The following ARHGAP32 variants were observed in gnomAD, a reference collection of about 807,000 sequenced individuals.
ARHGAP32 encodes Rho GTPase activating protein 32.
Under a neutral mutation model 186.5 loss-of-function variants are expected in ARHGAP32, and 51 were observed. That is an observed-to-expected ratio of 0.27 (90% CI 0.22 to 0.35). The LOEUF is 0.35. Among genes scored for constraint, ARHGAP32 ranks in the 10% least tolerant of loss-of-function variants. The pLI is 1.00. For synonymous variants in ARHGAP32, 950 were observed against 964.3 expected (o/e 0.99, Z 0.27); for missense variants, 2,186 against 2,623.5 (o/e 0.83, Z 3.64).
intron 1 of ARHGAP32, among the ~76,000 whole-genome samples, chr11:129,253,237 G>A (rs1456548447): frequency 6.6e-6 from 1 of 152,156 alleles, no homozygotes; most frequent in Non-Finnish European, 1.5e-5. Context: ...GGCACTTAGT[G>A]ATATTTAAGT....
intron 12 of ARHGAP32, among the ~76,000 whole-genome samples, chr11:128,997,429 T>A (rs1946230206): frequency 6.6e-6 from 1 of 152,216 alleles, no homozygotes; most frequent in Non-Finnish European, 1.5e-5. Context: ...TATTATTACT[T>A]TACCATTGTT....
intron 5 of ARHGAP32, among the ~76,000 whole-genome samples, chr11:129,105,344 C>G (rs189202227): frequency 1.3e-5 from 2 of 152,146 alleles, no homozygotes; most frequent in African/African-American, 4.8e-5. Context: ...TAGGTTTTCA[C>G]CTCCAGCTGA....
intron 10 of ARHGAP32, among the ~76,000 whole-genome samples, chr11:129,057,629 T>A (rs899717416): frequency 1.3e-5 from 2 of 150,664 alleles, no homozygotes; most frequent in African/African-American, 4.9e-5. Flanking sequence ...TCCCACGTCA[T>A]ATTCCAAAAG....
chr11:129,042,828 G>C (rs975278079), intron 10 of ARHGAP32, among the ~76,000 whole-genome samples: 1 of 152,202 alleles, frequency 6.6e-6, no homozygotes, highest in Non-Finnish European at 1.5e-5. Flanking sequence ...TGGAGACCTT[G>C]ATGCTATGAG....
At chr11:129,166,978 T>C (rs1183590438) in intron 1 of ARHGAP32, among the ~76,000 whole-genome samples, 2 of 152,134 alleles carry the variant, frequency 1.3e-5, no homozygotes, top group Non-Finnish European at 2.9e-5. Flanking sequence ...TTTTATGGAA[T>C]ACTGTATGTA....
At chr11:129,146,783 G>A (rs1417911585) in intron 2 of ARHGAP32, among the ~76,000 whole-genome samples, 1 of 151,802 alleles carries the variant, frequency 6.6e-6, no homozygotes, top group Non-Finnish European at 1.5e-5. Flanking sequence ...TTTTAGATAT[G>A]TTTATTAAAA....
upstream of ARHGAP32, among the ~76,000 whole-genome samples, chr11:129,193,549 A>T (rs370041266): frequency 0.39 from 19,256 of 49,858 alleles, 3,733 homozygotes; most frequent in Admixed American, 0.46. Context: ...TATTATATAT[A>T]ATATATATAT....
chr11:129,133,311 C>T (rs981555986), intron 2 of ARHGAP32, among the ~76,000 whole-genome samples: 2 of 151,966 alleles, frequency 1.3e-5, no homozygotes, highest in East Asian at 1.9e-4. Context: ...CTCATGTCTT[C>T]GAAGTCTCTG....
At position 129,149,067 on chromosome 11, in the gene ARHGAP32, C is replaced by T. The variant is rs78824866; in HGVS notation, c.225+15252G>A. On this transcript the variant is annotated intron_variant, in intron 2 of 22. Coordinates refer to ENST00000682385, the MANE Select transcript of ARHGAP32 (RefSeq NM_001378024.1). ...CTCTTGGGGGCTTTATGGCCCCATCCATCACCTGACAAACTAAAATCCTTA... is the reference window on the plus strand; with the variant it reads ...CTCTTGGGGGCTTTATGGCCCCATCTATCACCTGACAAACTAAAATCCTTA... 4.7e-3 allele frequency among the ~76,000 whole-genome samples: 710 copies of T among 152,260 alleles called. 3 individuals are homozygous for T. The highest frequency in any genetic ancestry group is 6.6e-3 in the Non-Finnish European group (451 of 68,014).
At chr11:129,050,961 G>A (rs1457748875) in intron 10 of ARHGAP32, among the ~76,000 whole-genome samples, 1 of 152,134 alleles carries the variant, frequency 6.6e-6, no homozygotes, top group Non-Finnish European at 1.5e-5. Flanking sequence ...TCCCTGCAAA[G>A]GACATGAACC....
At chr11:129,203,032 A>G (rs532625675) in intron 1 of ARHGAP32, 1 of 152,376 alleles carries the variant, frequency 6.6e-6, no homozygotes, top group East Asian at 1.9e-4. Context: ...CCCCTGCGCA[A>G]GGATGAAATT....
intron 2 of ARHGAP32, 120 bp downstream of exon 2, chr11:129,164,199 T>G: frequency 1.6e-6 from 1 of 610,898 alleles, no homozygotes; most frequent in Non-Finnish European, 2.8e-6. Context: ...AAATATTTCC[T>G]GAATAAATGA....
intron 6 of ARHGAP32, among the ~76,000 whole-genome samples, chr11:129,067,837 G>A (rs1028643001): frequency 1.3e-5 from 2 of 151,996 alleles, no homozygotes; most frequent in African/African-American, 4.8e-5. Flanking sequence ...TCATGAGAGG[G>A]TGCTGATTTC....
chr11:129,203,923 G>T (rs1052969713), intron 1 of ARHGAP32, among the ~76,000 whole-genome samples: 3 of 146,424 alleles, frequency 2.0e-5, no homozygotes, highest in African/African-American at 7.5e-5. Context: ...ATATATAATT[G>T]CATACATAAT....
At chr11:129,166,902 A>G (rs1363903996) in intron 1 of ARHGAP32, among the ~76,000 whole-genome samples, 1 of 152,162 alleles carries the variant, frequency 6.6e-6, no homozygotes, top group African/African-American at 2.4e-5. Context: ...CACAAAGGAT[A>G]AGAAATGTAC....
At chr11:129,096,250 A>G (rs927970581) in intron 5 of ARHGAP32, among the ~76,000 whole-genome samples, 7 of 152,242 alleles carry the variant, frequency 4.6e-5, no homozygotes, top group Admixed American at 6.5e-5. Flanking sequence ...TGTAAATTAA[A>G]TATAATTGAG....
chr11:128,986,260 A>G (rs1243004513), intron 14 of ARHGAP32, among the ~76,000 whole-genome samples, 175 bp from the exon 15 acceptor site: 1 of 152,206 alleles, frequency 6.6e-6, no homozygotes, highest in African/African-American at 2.4e-5. Flanking sequence ...GTGAACACTG[A>G]GATCTACGAA....
chr11:129,193,717 T>TTATATAATATATAA (rs1555111405), upstream of ARHGAP32, among the ~76,000 whole-genome samples: 2 of 43,812 alleles, frequency 4.6e-5, no homozygotes, highest in African/African-American at 7.9e-5. Context: ...ATATTATATA[T>TTATATAATATATAA]TATATATTAT....
In ARHGAP32 at chr11:129,107,949, T is replaced by C. The variant is rs562294367; in HGVS notation, c.445-14242A>G. 3.2e-3 allele frequency among the ~76,000 whole-genome samples: 487 copies of C among 151,550 alleles called. 1 individual carries two copies. Among genetic ancestry groups the C allele is most frequent in the African/African-American group, 0.011 (467 of 41,340 alleles). ...GGCATAAATTCAAAATAAACTGTTA[T>C]AGTTTTAAGATGTTCTATGTAATCA... On this transcript the variant is annotated intron_variant, in intron 5 of 22. Transcript: ENST00000682385.
Sources: allele counts gnomAD v4.1 joint callset (sites outside exome capture counted in the v4.1 genomes callset), GRCh38; gene constraint gnomAD v4.1.1; transcripts MANE v1.5; gene names NCBI Gene and HGNC (gene_info 2026-07-23, HGNC 2026-07-21).